The following DKK2 variants were observed in gnomAD, a reference collection of about 807,000 sequenced individuals.
DKK2 encodes the protein dickkopf Wnt signaling pathway inhibitor 2.
In DKK2, 11 loss-of-function variants were observed where a neutral mutation model predicts 28.1. The ratio of observed to expected loss-of-function variants is 0.39; its 90% CI spans 0.25 to 0.65. The LOEUF (loss-of-function observed/expected upper bound fraction) is 0.65. Ranked by LOEUF, DKK2 falls within the 30% of genes least tolerant of loss-of-function variation. The pLI is 0.47. For synonymous variants in DKK2, 135 were observed against 126.5 expected (o/e 1.07, Z -0.45); for missense variants, 326 against 335.5 (o/e 0.97, Z 0.22).
chr4:106,956,554 A>G (rs1276547352), intron 1 of DKK2, among the ~76,000 whole-genome samples: 2 of 152,214 alleles, frequency 1.3e-5, no homozygotes, highest in Non-Finnish European at 2.9e-5. Flanking sequence ...CAAAACGGAG[A>G]TATAGATCAA....
At chr4:106,978,066 G>A (rs1578365237) in intron 1 of DKK2, among the ~76,000 whole-genome samples, 1 of 152,224 alleles carries the variant, frequency 6.6e-6, no homozygotes, top group East Asian at 1.9e-4. Context: ...ATCACCAGCA[G>A]AGGCTGCAGA....
chr4:106,923,399 G>A lies in DKK2; in HGVS notation c.*555C>T, dbSNP rs1578343058. On this transcript the variant is annotated 3_prime_UTR_variant, in exon 4 of 4. Coordinates refer to ENST00000285311, the MANE Select transcript of DKK2 (RefSeq NM_014421.3). ...GACTGATTTTTTTCTTATCTACCAA[G>A]ACTCTTGATTGAACAGCAGAAGTAG... 1 of 152,226 alleles carries A rather than the reference G, an allele frequency of 6.6e-6. No homozygotes were observed. The highest frequency in any genetic ancestry group is 2.4e-5 in the African/African-American group (1 of 41,422). 9.4% of individuals were successfully genotyped at this position (152,226 alleles called of 1,614,324 possible).
chr4:107,000,597 C>A (rs545717985), intron 1 of DKK2, among the ~76,000 whole-genome samples: 8 of 152,150 alleles, frequency 5.3e-5, no homozygotes, highest in Non-Finnish European at 1.2e-4. Context: ...TACTGTTTTC[C>A]TATTCTATAT....
Position 106,981,933 on chromosome 4 carries a change from G to T in DKK2, c.222+53437C>A, listed in dbSNP as rs554434679. ...AAATATGCAATATTTTTTCCTTGAG[G>T]TCATAGTAGCAACTAGGATGATGCC... is the stretch of plus-strand genomic sequence containing the variant. On this transcript the variant is annotated intron_variant, in intron 1 of 3. Coordinates refer to ENST00000285311, the MANE Select transcript of DKK2 (RefSeq NM_014421.3). Among the ~76,000 whole-genome samples, 24 of 152,000 alleles carry T rather than the reference G, an allele frequency of 1.6e-4. No individual in the cohort carries two copies. The East Asian group carries it at 3.7e-3, about 23-fold the overall frequency.
At chr4:106,976,471 T>C (rs1357484433) in intron 1 of DKK2, among the ~76,000 whole-genome samples, 5 of 152,234 alleles carry the variant, frequency 3.3e-5, no homozygotes, top group African/African-American at 1.2e-4. Flanking sequence ...TCTTGTTGAA[T>C]TGATCCCTTT....
chr4:107,004,780 C>T (rs1723412753), intron 1 of DKK2, among the ~76,000 whole-genome samples: 1 of 152,134 alleles, frequency 6.6e-6, no homozygotes. Context: ...AGAATTTAAT[C>T]ACAAGGGTCT....
intron 1 of DKK2, among the ~76,000 whole-genome samples, chr4:106,999,339 A>C (rs1723322464): frequency 6.6e-6 from 1 of 152,134 alleles, no homozygotes; most frequent in Non-Finnish European, 1.5e-5. Flanking sequence ...ATACCAACAC[A>C]TATGTAAATA....
At chr4:107,003,905 C>T (rs1723399150) in intron 1 of DKK2, among the ~76,000 whole-genome samples, 1 of 152,156 alleles carries the variant, frequency 6.6e-6, no homozygotes, top group Non-Finnish European at 1.5e-5. Context: ...GTAAATCTTG[C>T]ATTTCACACT....
chr4:106,963,180 C>T, intron 1 of DKK2, among the ~76,000 whole-genome samples: 1 of 151,900 alleles, frequency 6.6e-6, no homozygotes, highest in Non-Finnish European at 1.5e-5. Flanking sequence ...CAGTGAAAAC[C>T]CGTCTCTACT....
chr4:107,025,859 C>T (rs549290881), intron 1 of DKK2, among the ~76,000 whole-genome samples: 1 of 152,270 alleles, frequency 6.6e-6, no homozygotes, highest in East Asian at 1.9e-4. Flanking sequence ...ATTTATCTCC[C>T]ACCAGGTAGT....
chr4:106,995,896 C>T (rs1480065405), intron 1 of DKK2, among the ~76,000 whole-genome samples: 1 of 152,198 alleles, frequency 6.6e-6, no homozygotes, highest in African/African-American at 2.4e-5. Flanking sequence ...CAGGCGTGAG[C>T]CACTGCACCT....
chr4:107,008,329 G>A (rs1723467070), intron 1 of DKK2, among the ~76,000 whole-genome samples: 1 of 152,010 alleles, frequency 6.6e-6, no homozygotes, highest in African/African-American at 2.4e-5. Context: ...AGTGGAAATG[G>A]GAAGTGAGCA....
At chr4:107,001,538 TA>T (rs946318189) in intron 1 of DKK2, among the ~76,000 whole-genome samples, 2 of 151,840 alleles carry the variant, frequency 1.3e-5, no homozygotes, top group South Asian at 2.1e-4. Flanking sequence ...AACTAGAATT[TA>T]AAAAAAACGA....
At chr4:106,969,215 C>T (rs1340435651) in intron 1 of DKK2, among the ~76,000 whole-genome samples, 2 of 151,646 alleles carry the variant, frequency 1.3e-5, no homozygotes, top group African/African-American at 2.4e-5. Flanking sequence ...CTTCTCGCCT[C>T]CAGTTTGGGA....
At chr4:106,931,725 G>A (rs1020229883) in intron 1 of DKK2, among the ~76,000 whole-genome samples, 2 of 151,996 alleles carry the variant, frequency 1.3e-5, no homozygotes, top group African/African-American at 4.8e-5. Flanking sequence ...CATAATCTGA[G>A]AAACCTTCAG....
intron 1 of DKK2, among the ~76,000 whole-genome samples, chr4:106,973,349 A>T (rs544994319): frequency 3.9e-5 from 6 of 152,344 alleles, no homozygotes; most frequent in African/African-American, 1.4e-4. Flanking sequence ...TAACACTCCC[A>T]CCAACAGTGT....
At chr4:107,021,287 T>G (rs187420449) in intron 1 of DKK2, among the ~76,000 whole-genome samples, 1 of 152,166 alleles carries the variant, frequency 6.6e-6, no homozygotes, top group African/African-American at 2.4e-5. Context: ...TGTGGTGTGT[T>G]AATCAATATG....
intron 1 of DKK2, among the ~76,000 whole-genome samples, chr4:106,992,446 G>C (rs1054248220): frequency 6.6e-6 from 1 of 152,142 alleles, no homozygotes; most frequent in African/African-American, 2.4e-5. Flanking sequence ...TTGAAAGTTT[G>C]CTTTTGGATT....
intron 1 of DKK2, among the ~76,000 whole-genome samples, chr4:106,958,432 A>G (rs913805467): frequency 6.6e-6 from 1 of 152,152 alleles, no homozygotes; most frequent in Non-Finnish European, 1.5e-5. Flanking sequence ...TTATATATAA[A>G]TTAAATTATA....
Sources: gnomAD v4.1 joint callset for allele counts (sites outside exome capture counted in the v4.1 genomes callset) on GRCh38, gnomAD v4.1.1 for gene constraint, MANE v1.5 for transcripts, NCBI Gene and HGNC (gene_info 2026-07-23, HGNC 2026-07-21) for gene names.